AJAP1: variants seen among roughly 807,000 people sequenced by gnomAD.
The protein encoded by AJAP1 is adherens junctions associated protein 1.
A neutral mutation model predicts 35.0 loss-of-function variants in AJAP1; 5 were observed. The ratio of observed to expected loss-of-function variants is 0.14; its 90% CI spans 0.07 to 0.30. AJAP1 has a LOEUF of 0.30. Among genes scored for constraint, AJAP1 ranks in the 10% least tolerant of loss-of-function variants. The probability of loss-of-function intolerance (pLI) is 1.00; values close to 1 mark genes in which losing one functional copy is unlikely to be tolerated. For missense variants in AJAP1, 586 were observed against 571.0 expected (o/e 1.03, Z -0.27); for synonymous variants, 284 against 249.3 (o/e 1.14, Z -1.31).
intron 2 of AJAP1, among the ~76,000 whole-genome samples, chr1:4,745,958 C>T (rs116630819): frequency 0.012 from 1,897 of 152,336 alleles, 41 homozygotes; most frequent in African/African-American, 0.043. Flanking sequence ...CCTCCCTTTC[C>T]TCTTTGCAAA....
At chr1:4,711,817 G>T (rs1640246575) in intron 1 of AJAP1, 83 bp from the exon 2 acceptor site, 1 of 1,097,604 alleles carries the variant, frequency 9.1e-7, no homozygotes, top group South Asian at 1.9e-5. Context: ...GTCACAGCGC[G>T]GGGTGGAGAG....
At chr1:4,682,832 TTGGTGATGG>T (rs1557606951) in intron 1 of AJAP1, among the ~76,000 whole-genome samples, 1 of 149,752 alleles carries the variant, frequency 6.7e-6, no homozygotes, top group Non-Finnish European at 1.5e-5. Flanking sequence ...ACTGGTGGTG[TTGGTGATGG>T]TGATGATGGT....
intron 1 of AJAP1, among the ~76,000 whole-genome samples, chr1:4,675,810 G>A (rs551872637): frequency 4.3e-4 from 65 of 152,340 alleles, no homozygotes; most frequent in African/African-American, 1.5e-3. Context: ...TAATGGTGTA[G>A]CCCAGGCCAG....
Position 4,693,769 on chromosome 1 carries a change from C to A in AJAP1, c.30-18131C>A, listed in dbSNP as rs1639796462. ...TTGCTGTGTAATCCCGTGGTGGAAGCAGGAGGGCAAGAGAGCACATGGAGG... is the reference window on the plus strand; with the variant it reads ...TTGCTGTGTAATCCCGTGGTGGAAGAAGGAGGGCAAGAGAGCACATGGAGG... On this transcript the variant is annotated intron_variant, in intron 1 of 5. Coordinates refer to ENST00000378191, the MANE Select transcript of AJAP1 (RefSeq NM_018836.4). This position sits in a 1 kb window ranked among gnomAD's most constrained non-coding sequence, Gnocchi z 4.4. Among the ~76,000 whole-genome samples, 1 of 152,172 alleles carries A rather than the reference C, an allele frequency of 6.6e-6. No individual in the cohort carries two copies. Among genetic ancestry groups the A allele is most frequent in the African/African-American group, 2.4e-5 (1 of 41,452 alleles).
chr1:4,725,240 G>T (rs1017432668), intron 2 of AJAP1, among the ~76,000 whole-genome samples: 2 of 152,328 alleles, frequency 1.3e-5, no homozygotes, highest in African/African-American at 4.8e-5. Context: ...AAGGTTTCAA[G>T]TTCCCTGGAA....
In AJAP1 at chr1:4,720,694, G is replaced by A. The variant is rs1290752541; in HGVS notation, c.829+7995G>A. On this transcript the variant is annotated intron_variant, in intron 2 of 5. Transcript: ENST00000378191. The surrounding 1 kb of genome is among the most constrained non-coding windows in gnomAD (Gnocchi z 4.4). ...TTGAGTCAGGTCTTAAAAGATGCAC[G>A]AAGCCCACCTCACCGGTGGCTCTGC... Among the ~76,000 whole-genome samples, 1 of 152,230 alleles carries A rather than the reference G, an allele frequency of 6.6e-6. No homozygotes were observed. The highest frequency in any genetic ancestry group is 1.5e-5 in the Non-Finnish European group (1 of 68,034).
At chr1:4,713,472 T>C (rs889891194) in intron 2 of AJAP1, among the ~76,000 whole-genome samples, 2 of 152,222 alleles carry the variant, frequency 1.3e-5, no homozygotes, top group Non-Finnish European at 2.9e-5. Context: ...TGTTTTTTAT[T>C]TTCCTCCTAT....
intron 2 of AJAP1, among the ~76,000 whole-genome samples, chr1:4,743,520 AT>A (rs1057024661): frequency 6.6e-6 from 1 of 152,146 alleles, no homozygotes; most frequent in African/African-American, 2.4e-5. Flanking sequence ...ATATGTGTTA[AT>A]GCGTATGTGT....
intron 1 of AJAP1, among the ~76,000 whole-genome samples, chr1:4,684,664 A>G (rs924119019): frequency 5.9e-5 from 9 of 152,166 alleles, no homozygotes; most frequent in African/African-American, 2.2e-4. Flanking sequence ...AAATGGACCT[A>G]CATCATTCAA....
intron 2 of AJAP1, among the ~76,000 whole-genome samples, chr1:4,730,947 CCT>C: frequency 6.6e-6 from 1 of 152,294 alleles, no homozygotes; most frequent in East Asian, 1.9e-4. Flanking sequence ...TTGGGTATGT[CCT>C]CTTAGTCTCA....
chr1:4,724,878 C>T (rs535134536), intron 2 of AJAP1, among the ~76,000 whole-genome samples: 34 of 152,314 alleles, frequency 2.2e-4, no homozygotes, highest in Non-Finnish European at 2.9e-4. Flanking sequence ...GACAATGTGC[C>T]GTGCTTTTAA....
chr1:4,662,555 G>A (rs913774156), intron 1 of AJAP1, among the ~76,000 whole-genome samples: 1 of 152,180 alleles, frequency 6.6e-6, no homozygotes, highest in African/African-American at 2.4e-5. Flanking sequence ...TGCACGCCTC[G>A]GGATGGATGT....
chr1:4,791,839 A>G lies in AJAP1; in HGVS notation c.*9354A>G, dbSNP rs6662606. The G allele has an allele frequency of 0.33, 50,136 of 151,974 alleles. 9,124 individuals are homozygous for G. The highest frequency in any genetic ancestry group is 0.45 in the African/African-American group (18,569 of 41,424). The allele number at this position is 151,974 out of a possible 1,614,324, so 9.4% of individuals were successfully genotyped here. ...TCCTAGTGCGTTCAAATAACCCTTG[A>G]ATTCACCAGGTCTCATTGCATTTAT... On this transcript the variant is annotated 3_prime_UTR_variant, in exon 6 of 6. Coordinates refer to ENST00000378191, the MANE Select transcript of AJAP1 (RefSeq NM_018836.4).
intron 1 of AJAP1, chr1:4,711,084 G>A (rs905627083): frequency 2.6e-5 from 4 of 152,278 alleles, no homozygotes; most frequent in African/African-American, 9.6e-5. Context: ...AGATAAACAG[G>A]GGGAGCGGAA....
At chr1:4,664,887 C>T (rs999744238) in intron 1 of AJAP1, among the ~76,000 whole-genome samples, 5 of 152,110 alleles carry the variant, frequency 3.3e-5, no homozygotes, top group Admixed American at 3.3e-4. Flanking sequence ...ACTTCCTAGG[C>T]ATGCAGCTAC....
At chr1:4,771,421 A>G (rs406847) in intron 3 of AJAP1, among the ~76,000 whole-genome samples, 112,844 of 152,148 alleles carry the variant, frequency 0.74, 42,297 homozygotes, top group Middle Eastern at 0.79. Context: ...CCCTCCCTGT[A>G]CACAGGCCCT....
intron 1 of AJAP1, among the ~76,000 whole-genome samples, chr1:4,683,592 C>T (rs142794539): frequency 3.9e-5 from 6 of 152,352 alleles, no homozygotes; most frequent in East Asian, 1.9e-4. Flanking sequence ...GGAATTTCTA[C>T]GGGTTTTAGG....
At chr1:4,703,053 G>A (rs1396187228) in intron 1 of AJAP1, among the ~76,000 whole-genome samples, 4 of 152,134 alleles carry the variant, frequency 2.6e-5, no homozygotes, top group African/African-American at 9.7e-5. Context: ...CGCGCTGGAC[G>A]TGTCCGGGCC....
chr1:4,709,282 G>T (rs1216794373), intron 1 of AJAP1, among the ~76,000 whole-genome samples: 3 of 151,492 alleles, frequency 2.0e-5, no homozygotes, highest in African/African-American at 2.4e-5. Context: ...GTGGGGCCTG[G>T]TGGAGTGTAG....
Sources: gnomAD v4.1 joint callset for allele counts (sites outside exome capture counted in the v4.1 genomes callset) on GRCh38, gnomAD v4.1.1 for gene constraint, Gnocchi (gnomAD v3.1) non-coding constraint, MANE v1.5 for transcripts, NCBI Gene and HGNC (gene_info 2026-07-23, HGNC 2026-07-21) for gene names.